The following PCDHGB4 variants were observed in gnomAD, a reference collection of about 807,000 sequenced individuals.
The protein encoded by PCDHGB4 is protocadherin gamma-B4.
PCDHGB4 carries 38 observed loss-of-function variants against 60.5 expected under a neutral mutation model. The observed-to-expected ratio is 0.63, with a 90% CI of 0.48 to 0.82. The LOEUF (loss-of-function observed/expected upper bound fraction) is 0.82, where lower values mean the gene tolerates loss of function less well. Among genes scored for constraint, PCDHGB4 ranks in the 40% least tolerant of loss-of-function variants. PCDHGB4 has a pLI of 0.00. For synonymous variants in PCDHGB4, 456 were observed against 509.7 expected, an observed-to-expected ratio of 0.89 and a Z score of 1.42; for missense variants, 1,109 against 1,209.6, an observed-to-expected ratio of 0.92 and a Z score of 1.23.
intron 1 of PCDHGB4, chr5:141,428,236 G>T: frequency 5.8e-6 from 6 of 1,027,096 alleles, no homozygotes; most frequent in Non-Finnish European, 8.9e-6. Flanking sequence ...CAGCCTGCAG[G>T]AGGCACTGCC....
Position 141,511,042 on chromosome 5 carries a change from G to C in PCDHGB4, c.2641G>C (p.Asp881His), listed in dbSNP as rs774071540. Residue 881 changes from aspartate (D) to histidine (H), a missense_variant, in exon 4 of 4, where the codon GAC becomes CAC. Transcript: ENST00000519479. Reference sequence around the variant, plus strand: ...CCAGTTCACCCTGCAGCACGTGCCCGACTACCGCCAGAATGTCTACATCCC... The same window carrying C: ...CCAGTTCACCCTGCAGCACGTGCCCCACTACCGCCAGAATGTCTACATCCC... ...GPQFTLQHVP[D>H]YRQNVYIPGS... 6.2e-7 allele frequency: 1 copy of C among 1,614,182 alleles called. No homozygotes were observed. Among genetic ancestry groups the C allele is most frequent in the South Asian group, 1.1e-5 (1 of 91,084 alleles).
intron 1 of PCDHGB4, chr5:141,426,664 A>G (rs886265350): frequency 2.3e-6 from 1 of 429,248 alleles, no homozygotes; most frequent in Admixed American, 2.5e-5. Flanking sequence ...GATATAAATG[A>G]TAACCCACCT....
intron 1 of PCDHGB4, among the ~76,000 whole-genome samples, chr5:141,492,762 T>C (rs917580804): frequency 2.6e-5 from 4 of 152,206 alleles, no homozygotes; most frequent in African/African-American, 9.6e-5. Flanking sequence ...GGGCTCCGCG[T>C]TGGGCGAGTG....
At chr5:141,415,177 G>A (rs758980730) in intron 1 of PCDHGB4, 26 of 1,613,808 alleles carry the variant, frequency 1.6e-5, no homozygotes, top group East Asian at 4.5e-5. Flanking sequence ...CACCGTGGCC[G>A]TGGCCGACAG....
intron 1 of PCDHGB4, chr5:141,418,096 G>A (rs772001018): frequency 6.2e-7 from 1 of 1,614,078 alleles, no homozygotes; most frequent in East Asian, 2.2e-5. Context: ...GCGTAGACGC[G>A]CAGAGCGGGG....
intron 1 of PCDHGB4, chr5:141,410,822 A>C: frequency 2.2e-6 from 1 of 461,410 alleles, no homozygotes; most frequent in Non-Finnish European, 3.6e-6. Context: ...AAATAATGTC[A>C]CCAGACTGAA....
At position 141,476,409 on chromosome 5, in the gene PCDHGB4, G is replaced by A. The variant is rs1226666958; in HGVS notation, c.2398-18398G>A. The A allele has an allele frequency of 6.2e-7, 1 of 1,614,154 alleles. No homozygotes were observed. The highest frequency in any genetic ancestry group is 1.7e-5 in the Admixed American group (1 of 60,030). ...GACCGTCTGGATCGAGAGGAGCTGT[G>A]TGGGACACTGCCCTCTTGCACTGTA... is the stretch of plus-strand genomic sequence containing the variant. On this transcript the variant is annotated intron_variant, in intron 1 of 3. Coordinates refer to ENST00000519479, the MANE Select transcript of PCDHGB4 (RefSeq NM_003736.4). The surrounding 1 kb of genome is among the most constrained non-coding windows in gnomAD (Gnocchi z 7.6).
Position 141,511,089 on chromosome 5 carries a change from C to T in PCDHGB4, c.2688C>T (p.Thr896=). The change falls in exon 4 of 4, where the codon ACC becomes ACT. Residue 896 remains threonine (T), a synonymous_variant. Transcript: ENST00000519479. ...TCCCAGGCAGCAATGCCACACTGAC[C>T]AACGCAGCTGGCAAGCGGGATGGCA... is the stretch of plus-strand genomic sequence containing the variant. ...VYIPGSNATL[T]NAAGKRDGKA... 1 of 1,614,212 alleles carries T rather than the reference C, an allele frequency of 6.2e-7. No individual in the cohort carries two copies. Among genetic ancestry groups the T allele is most frequent in the Non-Finnish European group, 8.5e-7 (1 of 1,180,026 alleles).
chr5:141,414,283 G>A, intron 1 of PCDHGB4: 1 of 1,613,520 alleles, frequency 6.2e-7, no homozygotes, highest in South Asian at 1.1e-5. Flanking sequence ...GGGAACAGTC[G>A]TAGCCCTTTT....
At chr5:141,393,334 C>A in intron 1 of PCDHGB4, 1 of 1,613,960 alleles carries the variant, frequency 6.2e-7, no homozygotes, top group Non-Finnish European at 8.5e-7. Flanking sequence ...CAGCTCAGCC[C>A]CAATCACCAC....
intron 1 of PCDHGB4, among the ~76,000 whole-genome samples, chr5:141,462,538 C>G (rs565849689): frequency 1.3e-5 from 2 of 152,102 alleles, no homozygotes; most frequent in South Asian, 2.1e-4. Context: ...GTTCAGTGAT[C>G]TTTTCTTCTT....
chr5:141,473,262 G>T (rs905961411), intron 1 of PCDHGB4, among the ~76,000 whole-genome samples: 2 of 152,188 alleles, frequency 1.3e-5, no homozygotes, highest in Admixed American at 6.5e-5. Flanking sequence ...AGTCCTTAGT[G>T]TATGCTATGA....
At chr5:141,421,934 T>C (rs1478005202) in intron 1 of PCDHGB4, 1 of 1,613,548 alleles carries the variant, frequency 6.2e-7, no homozygotes, top group Admixed American at 1.7e-5. Context: ...GTCCTCGATG[T>C]AAATGATCAC....
At chr5:141,393,021 G>A (rs758868753) in intron 1 of PCDHGB4, 1 of 1,613,850 alleles carries the variant, frequency 6.2e-7, no homozygotes, top group Non-Finnish European at 8.5e-7. Context: ...CGTCTCCAGA[G>A]GTAGGACGCA....
Position 141,499,370 on chromosome 5 carries a change from A to T in PCDHGB4, c.2456+4505A>T, listed in dbSNP as rs546430948. ...CATTCAACAAACAAATAGCAACTTA[A>T]TTTTTTTCCACTTATAAAATAGTAC... On this transcript the variant is annotated intron_variant, in intron 2 of 3. Coordinates refer to ENST00000519479, the MANE Select transcript of PCDHGB4 (RefSeq NM_003736.4). 2.0e-3 allele frequency among the ~76,000 whole-genome samples: 300 copies of T among 152,286 alleles called. 1 individual carries two copies. The highest frequency in any genetic ancestry group is 2.7e-3 in the Non-Finnish European group (184 of 68,028).
chr5:141,460,912 G>GTGTA (rs145509489), intron 1 of PCDHGB4, among the ~76,000 whole-genome samples: 34,285 of 149,232 alleles, frequency 0.23, 4,672 homozygotes, highest in African/African-American at 0.39. Flanking sequence ...ATTCCATGGT[G>GTGTA]TATATATATA....
At position 141,489,774 on chromosome 5, in the gene PCDHGB4, C is replaced by T; in HGVS notation, c.2398-5033C>T. The T allele has an allele frequency of 1.2e-6, 2 of 1,614,164 alleles. No homozygotes were observed. Among genetic ancestry groups the T allele is most frequent in the Non-Finnish European group, 8.5e-7 (1 of 1,179,998 alleles). On this transcript the variant is annotated intron_variant, in intron 1 of 3. Transcript: ENST00000519479. The surrounding 1 kb of genome is among the most constrained non-coding windows in gnomAD (Gnocchi z 4.5). The stretch of plus-strand genomic sequence containing the variant: ...ACACTCTAAGCCCCAACAGCCACTT[C>T]TCTCTGAATGTGAAGACCCTAAAAG...
intron 1 of PCDHGB4, chr5:141,423,613 GA>G (rs1164845631): frequency 1.9e-6 from 3 of 1,610,782 alleles, no homozygotes; most frequent in Admixed American, 1.7e-5. Context: ...CTTGATAGCT[GA>G]AGACTCAGCT....
Position 141,491,458 on chromosome 5 carries a change from G to C in PCDHGB4, c.2398-3349G>C. 1 of 1,614,092 alleles carries C rather than the reference G, an allele frequency of 6.2e-7. No individual in the cohort carries two copies. The highest frequency in any genetic ancestry group is 8.5e-7 in the Non-Finnish European group (1 of 1,180,022). On this transcript the variant is annotated intron_variant, in intron 1 of 3. Coordinates refer to ENST00000519479, the MANE Select transcript of PCDHGB4 (RefSeq NM_003736.4). The surrounding 1 kb of genome is among the most constrained non-coding windows in gnomAD (Gnocchi z 6.9). Reference sequence around the variant, plus strand: ...CAGGCGCCAGGACTCACCCTCCCCGGACTTCTATAAGCAGTCCAGCCCCAA... The same window carrying C: ...CAGGCGCCAGGACTCACCCTCCCCGCACTTCTATAAGCAGTCCAGCCCCAA...
Sources: gnomAD v4.1 joint callset for allele counts (sites outside exome capture counted in the v4.1 genomes callset) on GRCh38, gnomAD v4.1.1 for gene constraint, Gnocchi (gnomAD v3.1) non-coding constraint, MANE v1.5 for transcripts, NCBI Gene and HGNC (gene_info 2026-07-23, HGNC 2026-07-21) for gene names.